Variants in LDLRAD4 observed in about 807,000 individuals in gnomAD.
The protein encoded by LDLRAD4 is low density lipoprotein receptor class A domain containing 4.
Under a neutral mutation model 17.0 loss-of-function variants are expected in LDLRAD4, and 5 were observed. That is an observed-to-expected ratio of 0.29 (90% CI 0.15 to 0.62). The LOEUF (loss-of-function observed/expected upper bound fraction) is 0.62, where lower values mean the gene tolerates loss of function less well. Ranked by LOEUF, LDLRAD4 falls within the 20% of genes least tolerant of loss-of-function variation. The pLI is 0.84. For missense variants in LDLRAD4, 340 were observed against 424.7 expected, an observed-to-expected ratio of 0.80 and a Z score of 1.75; for synonymous variants, 168 against 171.8, an observed-to-expected ratio of 0.98 and a Z score of 0.17.
chr18:13,441,954 G>A (rs1600295496), intron 3 of LDLRAD4, among the ~76,000 whole-genome samples: 1 of 152,288 alleles, frequency 6.6e-6, no homozygotes, highest in South Asian at 2.1e-4. Context: ...ATCTCCTGGG[G>A]AATGAGTTTT....
intron 3 of LDLRAD4, among the ~76,000 whole-genome samples, chr18:13,463,119 G>A (rs112494028): frequency 6.6e-6 from 1 of 152,124 alleles, no homozygotes; most frequent in Non-Finnish European, 1.5e-5. Flanking sequence ...ATGCCACACC[G>A]GGTTTCTAGA....
chr18:13,311,493 C>G (rs1416803532), intron 1 of LDLRAD4, among the ~76,000 whole-genome samples: 2 of 152,264 alleles, frequency 1.3e-5, no homozygotes, highest in African/African-American at 4.8e-5. Context: ...GGACACCTCT[C>G]AGAGTGTCCT....
intron 3 of LDLRAD4, among the ~76,000 whole-genome samples, chr18:13,559,111 G>C (rs1487320579): frequency 6.6e-6 from 1 of 152,244 alleles, no homozygotes; most frequent in Admixed American, 6.5e-5. Context: ...GATCACCACT[G>C]ATCTTTGGTA....
chr18:13,492,445 CG>C (rs546031335), intron 3 of LDLRAD4, among the ~76,000 whole-genome samples: 2 of 152,340 alleles, frequency 1.3e-5, no homozygotes, highest in Non-Finnish European at 2.9e-5. Flanking sequence ...CCTTCCCCCC[CG>C]GGTCTGAATC....
chr18:13,584,863 A>G (rs545814605), intron 3 of LDLRAD4, among the ~76,000 whole-genome samples: 1 of 152,256 alleles, frequency 6.6e-6, no homozygotes, highest in East Asian at 1.9e-4. Flanking sequence ...TTCTGCGGTA[A>G]ACTTCCTCTT....
chr18:13,272,642 G>A (rs2044630985), intron 1 of LDLRAD4, among the ~76,000 whole-genome samples: 1 of 152,228 alleles, frequency 6.6e-6, no homozygotes, highest in South Asian at 2.1e-4. Flanking sequence ...AATGCTTGCT[G>A]CAGCTTTGTT....
rs1045617062 is a variant in LDLRAD4 at position 13,300,488 on chromosome 18, G to T, written c.-383+22300G>T. 2.0e-5 allele frequency among the ~76,000 whole-genome samples: 3 copies of T among 152,184 alleles called. No homozygotes were observed. The highest frequency in any genetic ancestry group is 4.4e-5 in the Non-Finnish European group (3 of 68,032). On this transcript the variant is annotated intron_variant, in intron 1 of 5. Coordinates refer to ENST00000359446, the Ensembl canonical transcript of LDLRAD4. The surrounding 1 kb of genome is among the most constrained non-coding windows in gnomAD (Gnocchi z 4.2). ...AAGGGAGGCCTGCAATAAGGCACCC[G>T]GTGCCAGCATGGAGCCCCATTGTCC...
chr18:13,624,290 G>A (rs2040921884), intron 4 of LDLRAD4, among the ~76,000 whole-genome samples: 1 of 152,194 alleles, frequency 6.6e-6, no homozygotes, highest in Admixed American at 6.5e-5. Flanking sequence ...CCACAGAGCG[G>A]AGAGCTCTTC....
chr18:13,470,019 A>C (rs2092724456), intron 3 of LDLRAD4, among the ~76,000 whole-genome samples: 1 of 152,228 alleles, frequency 6.6e-6, no homozygotes, highest in African/African-American at 2.4e-5. Context: ...TCGTGGGACT[A>C]TTTGGAGTGC....
At chr18:13,263,400 A>G (rs987045978) in intron 1 of LDLRAD4, among the ~76,000 whole-genome samples, 7 of 152,184 alleles carry the variant, frequency 4.6e-5, no homozygotes. Flanking sequence ...CCTGTGTGCC[A>G]GTCTTCCCAT....
At chr18:13,553,360 A>G (rs1056109222) in intron 3 of LDLRAD4, among the ~76,000 whole-genome samples, 1 of 152,214 alleles carries the variant, frequency 6.6e-6, no homozygotes, top group African/African-American at 2.4e-5. Context: ...GGGTGTCTAG[A>G]CACTGGTTAT....
intron 1 of LDLRAD4, among the ~76,000 whole-genome samples, chr18:13,235,665 T>C (rs540068524): frequency 1.3e-5 from 2 of 152,364 alleles, no homozygotes; most frequent in South Asian, 2.1e-4. Context: ...GCCTGTGTAA[T>C]AGACCACTAG....
intron 1 of LDLRAD4, among the ~76,000 whole-genome samples, chr18:13,354,141 C>T (rs534444174): frequency 3.3e-5 from 5 of 152,048 alleles, no homozygotes; most frequent in Non-Finnish European, 5.9e-5. Context: ...CCCAAGAGTT[C>T]GAGGCTGTAG....
chr18:13,471,784 A>G (rs1238423824), intron 3 of LDLRAD4: 13 of 152,376 alleles, frequency 8.5e-5, no homozygotes, highest in Non-Finnish European at 2.9e-5. Context: ...CTCCTGTTTC[A>G]TAAGAATTGC....
At chr18:13,511,459 C>T (rs1343588583) in intron 3 of LDLRAD4, among the ~76,000 whole-genome samples, 1 of 152,152 alleles carries the variant, frequency 6.6e-6, no homozygotes, top group African/African-American at 2.4e-5. Flanking sequence ...TTGTAGTGAG[C>T]CGAGATCGTG....
chr18:13,226,180 C>CTTTTTTTTTCTTTTTTTTT (rs2041784478), intron 1 of LDLRAD4, among the ~76,000 whole-genome samples: 1 of 52,188 alleles, frequency 1.9e-5, no homozygotes, highest in African/African-American at 7.8e-5. Context: ...CCATGCCTTG[C>CTTTTTTTTTCTTTTTTTTT]TTTTTTTTTT....
At chr18:13,524,384 T>A (rs976764934) in intron 3 of LDLRAD4, among the ~76,000 whole-genome samples, 1 of 152,208 alleles carries the variant, frequency 6.6e-6, no homozygotes, top group Non-Finnish European at 1.5e-5. Context: ...AAATGCAGGT[T>A]TTTTATGCTT....
chr18:13,611,793 G>T, intron 3 of LDLRAD4: 3 of 985,606 alleles, frequency 3.0e-6, no homozygotes, highest in Non-Finnish European at 3.6e-6. Flanking sequence ...AGAGCGAGCC[G>T]GGGGGAAAGG....
intron 3 of LDLRAD4, among the ~76,000 whole-genome samples, chr18:13,553,015 A>G (rs1318299038): frequency 6.6e-6 from 1 of 152,182 alleles, no homozygotes; most frequent in Non-Finnish European, 1.5e-5. Context: ...GCGTATTTTT[A>G]AGGAAGGATC....
Sources: allele counts gnomAD v4.1 joint callset (sites outside exome capture counted in the v4.1 genomes callset), GRCh38; gene constraint gnomAD v4.1.1; non-coding constraint Gnocchi (gnomAD v3.1); transcripts MANE v1.5; gene names NCBI Gene and HGNC (gene_info 2026-07-23, HGNC 2026-07-21).